Variants in VSNL1 observed in about 807,000 individuals in gnomAD.
The protein encoded by VSNL1 is visinin-like protein 1.
A neutral mutation model predicts 20.4 loss-of-function variants in VSNL1; 6 were observed. The observed-to-expected ratio is 0.29, with a 90% confidence interval of 0.16 to 0.58. The LOEUF (loss-of-function observed/expected upper bound fraction) is 0.58, where lower values mean the gene tolerates loss of function less well. Ranked by LOEUF, VSNL1 falls within the 20% of genes least tolerant of loss-of-function variation. VSNL1 has a pLI of 0.90. For synonymous variants in VSNL1, 93 were observed against 86.4 expected, an observed-to-expected ratio of 1.08 and a Z score of -0.42; for missense variants, 100 against 234.5, an observed-to-expected ratio of 0.43 and a Z score of 3.75.
At chr2:17,638,564 G>C (rs928866424) in intron 2 of VSNL1, among the ~76,000 whole-genome samples, 5 of 152,130 alleles carry the variant, frequency 3.3e-5, no homozygotes, top group Non-Finnish European at 7.4e-5. Context: ...TGCACACTGA[G>C]CCTGCTCCTC....
chr2:17,572,580 A>G (rs1664108909), intron 1 of VSNL1, among the ~76,000 whole-genome samples: 1 of 152,194 alleles, frequency 6.6e-6, no homozygotes, highest in Non-Finnish European at 1.5e-5. Context: ...ATGCCATACA[A>G]TAACCATTAT....
chr2:17,542,714 G>A (rs1001252320), intron 1 of VSNL1, among the ~76,000 whole-genome samples: 2 of 152,186 alleles, frequency 1.3e-5, no homozygotes, highest in African/African-American at 4.8e-5. Flanking sequence ...TCGATGAATG[G>A]TGCAGGTGTT....
At chr2:17,620,355 C>T (rs997204606) in intron 2 of VSNL1, among the ~76,000 whole-genome samples, 1 of 152,152 alleles carries the variant, frequency 6.6e-6, no homozygotes, top group Non-Finnish European at 1.5e-5. Flanking sequence ...ATTCTGGAAG[C>T]AGTCTGGACA....
At chr2:17,577,300 G>T (rs1275489092) in intron 1 of VSNL1, among the ~76,000 whole-genome samples, 1 of 152,088 alleles carries the variant, frequency 6.6e-6, no homozygotes, top group Non-Finnish European at 1.5e-5. Context: ...GATAGTTTTT[G>T]TATTGAACTT....
chr2:17,591,213 G>T (rs1275006426), intron 1 of VSNL1, among the ~76,000 whole-genome samples: 1 of 152,066 alleles, frequency 6.6e-6, no homozygotes, highest in Non-Finnish European at 1.5e-5. Context: ...AATTAACGTT[G>T]CCCTAAGTAA....
intron 1 of VSNL1, among the ~76,000 whole-genome samples, chr2:17,578,933 A>G (rs1572344011): frequency 6.6e-6 from 1 of 152,222 alleles, no homozygotes; most frequent in East Asian, 1.9e-4. Flanking sequence ...CCAAAACCCT[A>G]AGAAGGAACA....
chr2:17,585,251 A>G (rs1664442858), intron 1 of VSNL1, among the ~76,000 whole-genome samples: 1 of 152,044 alleles, frequency 6.6e-6, no homozygotes, highest in South Asian at 2.1e-4. Flanking sequence ...ACATCATGAA[A>G]TGCCAGCTTG....
In VSNL1 at chr2:17,596,223, C is replaced by T. The variant is rs377626157; in HGVS notation, c.162+3987C>T. 1.3e-3 allele frequency among the ~76,000 whole-genome samples: 197 copies of T among 152,282 alleles called. 3 individuals are homozygous for T. In the South Asian group the frequency reaches 0.02, roughly 15 times the overall value. On this transcript the variant is annotated intron_variant, in intron 2 of 3. Coordinates refer to ENST00000295156, the MANE Select transcript of VSNL1 (RefSeq NM_003385.5). ...CCAGATGTCTGGAACTCCCTGGACA[C>T]GTAGGGATTTCTGTGTGTCTGGCCA... is the stretch of plus-strand genomic sequence containing the variant.
intron 1 of VSNL1, among the ~76,000 whole-genome samples, chr2:17,583,241 A>G (rs916104153): frequency 4.6e-5 from 7 of 152,172 alleles, no homozygotes; most frequent in African/African-American, 1.7e-4. Context: ...TGCATTCCTG[A>G]TGATCAATGC....
chr2:17,556,562 G>T (rs1663682960), intron 1 of VSNL1, among the ~76,000 whole-genome samples: 1 of 152,162 alleles, frequency 6.6e-6, no homozygotes, highest in South Asian at 2.1e-4. Flanking sequence ...GATTAGATAG[G>T]ATTGTGCATG....
In VSNL1 at chr2:17,655,161, TC is replaced by T; in HGVS notation, c.379-35del. 2 of 1,607,010 alleles carry T rather than the reference TC, an allele frequency of 1.2e-6. No homozygotes were observed. The highest frequency in any genetic ancestry group is 1.7e-6 in the Non-Finnish European group (2 of 1,175,578). Reference sequence around the variant, plus strand: ...GAAGAGCTCTCTGTCCTCCTGGGTTTCTGGTAATATCACCTACAATGCTTTT... The same window carrying T: ...GAAGAGCTCTCTGTCCTCCTGGGTTTTGGTAATATCACCTACAATGCTTTT... On this transcript the variant is annotated intron_variant, in intron 3 of 3. Coordinates refer to ENST00000295156, the MANE Select transcript of VSNL1 (RefSeq NM_003385.5). This position sits in a 1 kb window ranked among gnomAD's most constrained non-coding sequence, Gnocchi z 5.2.
In VSNL1 at chr2:17,655,505, A is replaced by C; in HGVS notation, c.*111A>C. 9.6e-7 allele frequency: 1 copy of C among 1,040,158 alleles called. No individual in the cohort carries two copies. Among genetic ancestry groups the C allele is most frequent in the Non-Finnish European group, 1.4e-6 (1 of 720,466 alleles). The allele number at this position is 1,040,158 out of a possible 1,614,324, so 64.4% of individuals were successfully genotyped here. Reference sequence around the variant, plus strand: ...CACACACACACACACACACACAAATATTGCTTGGACTACCTATAAATGGAC... The same window carrying C: ...CACACACACACACACACACACAAATCTTGCTTGGACTACCTATAAATGGAC... On this transcript the variant is annotated 3_prime_UTR_variant, in exon 4 of 4. Coordinates refer to ENST00000295156, the MANE Select transcript of VSNL1 (RefSeq NM_003385.5). The surrounding 1 kb of genome is among the most constrained non-coding windows in gnomAD (Gnocchi z 5.2).
chr2:17,651,449 C>CAATGA (rs1158048828), intron 3 of VSNL1, among the ~76,000 whole-genome samples: 1 of 152,224 alleles, frequency 6.6e-6, no homozygotes, highest in Non-Finnish European at 1.5e-5. Flanking sequence ...CAGACCAATG[C>CAATGA]AATGCTCTTA....
In VSNL1 at chr2:17,634,529, G is replaced by A. The variant is rs1221523210; in HGVS notation, c.163-14881G>A. Reference sequence around the variant, plus strand: ...AAGGCAATGTGTGACATTTCCCAAGGTGCAGACAATGCCCTGCGATGTGTT... The same window carrying A: ...AAGGCAATGTGTGACATTTCCCAAGATGCAGACAATGCCCTGCGATGTGTT... On this transcript the variant is annotated intron_variant, in intron 2 of 3. Coordinates refer to ENST00000295156, the MANE Select transcript of VSNL1 (RefSeq NM_003385.5). The surrounding 1 kb of genome is among the most constrained non-coding windows in gnomAD (Gnocchi z 4.3). 2.0e-5 allele frequency among the ~76,000 whole-genome samples: 3 copies of A among 152,112 alleles called. No homozygotes were observed. The highest frequency in any genetic ancestry group is 4.4e-5 in the Non-Finnish European group (3 of 68,030).
At chr2:17,562,618 G>A (rs1313955970) in intron 1 of VSNL1, among the ~76,000 whole-genome samples, 1 of 151,942 alleles carries the variant, frequency 6.6e-6, no homozygotes, top group Non-Finnish European at 1.5e-5. Flanking sequence ...CCATAATGAG[G>A]GCATACATTG....
intron 1 of VSNL1, among the ~76,000 whole-genome samples, chr2:17,543,590 G>T (rs1663341798): frequency 6.6e-6 from 1 of 152,194 alleles, no homozygotes; most frequent in South Asian, 2.1e-4. Context: ...CACCTGCGGA[G>T]AAGGGAAAGG....
intron 1 of VSNL1, among the ~76,000 whole-genome samples, chr2:17,588,103 G>A (rs904300083): frequency 3.7e-4 from 56 of 152,232 alleles, no homozygotes; most frequent in African/African-American, 1.3e-3. Flanking sequence ...TTTGGTTTGG[G>A]GATGGGCTGG....
chr2:17,552,480 C>A (rs542965491), intron 1 of VSNL1, among the ~76,000 whole-genome samples: 1 of 152,200 alleles, frequency 6.6e-6, no homozygotes, highest in Admixed American at 6.5e-5. Flanking sequence ...TTAGGGAAAG[C>A]GTACATATTT....
intron 1 of VSNL1, among the ~76,000 whole-genome samples, chr2:17,573,127 T>C (rs1664120155): frequency 6.6e-6 from 1 of 152,252 alleles, no homozygotes; most frequent in South Asian, 2.1e-4. Context: ...TGTTCATTCA[T>C]TTGGCCATTC....
Sources: allele counts gnomAD v4.1 joint callset (sites outside exome capture counted in the v4.1 genomes callset), GRCh38; gene constraint gnomAD v4.1.1; non-coding constraint Gnocchi (gnomAD v3.1); transcripts MANE v1.5; gene names NCBI Gene and HGNC (gene_info 2026-07-23, HGNC 2026-07-21).